The following SLC9C2 variants were observed in gnomAD, a reference collection of about 807,000 sequenced individuals.
SLC9C2 encodes the protein solute carrier family 9 member C2 (putative).
Under a neutral mutation model 140.2 loss-of-function variants are expected in SLC9C2, and 75 were observed. That is an observed-to-expected ratio of 0.53 (90% CI 0.44 to 0.65). SLC9C2 has a LOEUF of 0.65. Ranked by LOEUF, SLC9C2 falls within the 30% of genes least tolerant of loss-of-function variation. The pLI is 0.00. For missense variants in SLC9C2, 1,074 were observed against 1,331.8 expected (o/e 0.81, Z 3.01); for synonymous variants, 375 against 420.9 (o/e 0.89, Z 1.34).
rs1392157624 is a variant in SLC9C2, at chr1:173,581,886, T to C, written c.763A>G (p.Ile255Val). 1 of 1,597,982 alleles carries C rather than the reference T, an allele frequency of 6.3e-7. No homozygotes were observed. Among genetic ancestry groups the C allele is most frequent in the Non-Finnish European group, 8.5e-7 (1 of 1,170,150 alleles). The change falls in exon 7 of 28, where the codon ATT (isoleucine) becomes GTT (valine). Residue 255 changes from isoleucine to valine, a missense_variant. Transcript: ENST00000367714. ...DVFSNMLTNI[I>V]LCFSMVYMTF... ...ATGTACACCATTGAAAAGCAGAGAA[T>C]GATATTAGTCAGCATATTGCTAAAA... is the stretch of plus-strand genomic sequence containing the variant.
intron 22 of SLC9C2, among the ~76,000 whole-genome samples, chr1:173,520,911 CCTCT>C (rs150006115): frequency 9.3e-5 from 14 of 150,730 alleles, no homozygotes; most frequent in Non-Finnish European, 1.8e-4. Flanking sequence ...AATCTCTCTC[CCTCT>C]CTCTCTCTCT....
chr1:173,510,669 TC>T (rs1260105597), intron 23 of SLC9C2, among the ~76,000 whole-genome samples: 2 of 152,200 alleles, frequency 1.3e-5, no homozygotes, highest in African/African-American at 4.8e-5. Context: ...ATGTTCTCAT[TC>T]CTTTTTATGG....
chr1:173,561,152 T>C (rs1047132270), intron 9 of SLC9C2, among the ~76,000 whole-genome samples: 1 of 152,332 alleles, frequency 6.6e-6, no homozygotes, highest in Middle Eastern at 3.4e-3. Context: ...ATGTTATAGT[T>C]ATTTATATAT....
At chr1:173,509,211 A>T (rs1483771307) in intron 24 of SLC9C2, among the ~76,000 whole-genome samples, 1 of 152,136 alleles carries the variant, frequency 6.6e-6, no homozygotes, top group East Asian at 1.9e-4. Flanking sequence ...TGGGAGGCCG[A>T]GGTGAGTAGA....
At chr1:173,602,584 A>G (rs1666852922) in intron 1 of SLC9C2, among the ~76,000 whole-genome samples, 167 bp downstream of exon 1, 1 of 152,224 alleles carries the variant, frequency 6.6e-6, no homozygotes. Flanking sequence ...GCTGGATTTC[A>G]GCCCCAGTAT....
At chr1:173,522,686 G>A (rs1405137792) in intron 21 of SLC9C2, among the ~76,000 whole-genome samples, 1 of 152,170 alleles carries the variant, frequency 6.6e-6, no homozygotes, top group Non-Finnish European at 1.5e-5. Context: ...GCCCACTAAG[G>A]CAGAAGTGCC....
At position 173,573,114 on chromosome 1, in the gene SLC9C2, C is replaced by T. The variant is rs189571017; in HGVS notation, c.1046+68G>A. The T allele has an allele frequency of 6.2e-4, 744 of 1,200,420 alleles. 2 individuals are homozygous for T. The African/African-American group carries it at 0.01, about 17-fold the overall frequency. The allele number at this position is 1,200,420 out of a possible 1,614,324, so 74.4% of individuals were successfully genotyped here. A position where few individuals can be genotyped will look rare whatever the true frequency, so the allele number is the denominator to read the frequency against. ...GAGCCCTTTTTGCTGTATGCCACTG[C>T]TTCCTAATTCTAATTCTGGCCTTGA... On this transcript the variant is annotated intron_variant, in intron 9 of 27. Coordinates refer to ENST00000367714, the MANE Select transcript of SLC9C2 (RefSeq NM_178527.4).
chr1:173,601,386 A>G (rs572292366), intron 2 of SLC9C2, among the ~76,000 whole-genome samples: 1 of 152,288 alleles, frequency 6.6e-6, no homozygotes, highest in Admixed American at 6.5e-5. Context: ...GTGTTTGCCA[A>G]TCTCTCCCAT....
Position 173,561,979 on chromosome 1 carries a change from C to G in SLC9C2, c.1047-4471G>C, listed in dbSNP as rs1209982613. Among the ~76,000 whole-genome samples, 6 of 152,076 alleles carry G rather than the reference C, an allele frequency of 3.9e-5. No individual in the cohort carries two copies. In the East Asian group the frequency reaches 1.2e-3, roughly 29 times the overall value. ...CTGATTATATGTAAACTAAATCCAC[C>G]AGGATCCAGCTCACAGCTATGTAGT... On this transcript the variant is annotated intron_variant, in intron 9 of 27. Transcript: ENST00000367714.
At position 173,573,185 on chromosome 1, in the gene SLC9C2, A is replaced by G. The variant is rs753691838; in HGVS notation, c.1043T>C (p.Val348Ala). 9 of 1,542,762 alleles carry G rather than the reference A, an allele frequency of 5.8e-6. No homozygotes were observed. In the Admixed American group the frequency reaches 7.7e-5, roughly 13 times the overall value. ...AACTTTAAAATATTATTCTTACCTT[A>G]CCAAATTCACTGTTGTAAATAAAAT... ...IFILFTTVNLVRLLTILLVSP... is the reference protein window; with the variant it reads ...IFILFTTVNLARLLTILLVSP... Residue 348 changes from valine (V) to alanine (A), a missense_variant, in exon 9 of 28, where the codon GTA (valine) becomes GCA (alanine). By Grantham distance (64) the Val-to-Ala change is moderately conservative. Transcript: ENST00000367714.
intron 13 of SLC9C2, among the ~76,000 whole-genome samples, chr1:173,542,315 G>A (rs1049799473): frequency 1.4e-5 from 2 of 142,430 alleles, no homozygotes; most frequent in African/African-American, 4.9e-5. Flanking sequence ...CCAGGAAGAA[G>A]TTGAATGGCT....
rs369959085 is a variant in SLC9C2 at position 173,588,988 on chromosome 1, G to C, written c.358-1158C>G. ...AGCTACTCAGGAAACTGAGGTGGGA[G>C]GATTGCTTAAGCACAGGAGTTTGAG... On this transcript the variant is annotated intron_variant, in intron 4 of 27. Coordinates refer to ENST00000367714, the MANE Select transcript of SLC9C2 (RefSeq NM_178527.4). Among the ~76,000 whole-genome samples, 9 of 152,270 alleles carry C rather than the reference G, an allele frequency of 5.9e-5. No individual in the cohort carries two copies. The South Asian group carries it at 8.3e-4, about 14-fold the overall frequency.
chr1:173,544,432 T>C (rs1156726046), intron 13 of SLC9C2, among the ~76,000 whole-genome samples: 1 of 152,172 alleles, frequency 6.6e-6, no homozygotes, highest in African/African-American at 2.4e-5. Context: ...AGTTCAACCA[T>C]TGTGGAAGAC....
At position 173,571,566 on chromosome 1, in the gene SLC9C2, C is replaced by A. The variant is rs370275019; in HGVS notation, c.1046+1616G>T. 5.9e-5 allele frequency: 9 copies of A among 152,214 alleles called. No individual in the cohort carries two copies. In the South Asian group the frequency reaches 1.0e-3, roughly 18 times the overall value. 9.4% of individuals were successfully genotyped at this position (152,214 alleles called of 1,614,324 possible). A position where few individuals can be genotyped will look rare whatever the true frequency, so the allele number is the denominator to read the frequency against. ...TGGCACATCCAACTTCCTCACCATGCTTTATTTATTTTCATAGTCTTTATT... is the reference window on the plus strand; with the variant it reads ...TGGCACATCCAACTTCCTCACCATGATTTATTTATTTTCATAGTCTTTATT... On this transcript the variant is annotated intron_variant, in intron 9 of 27. Transcript: ENST00000367714.
intron 18 of SLC9C2, among the ~76,000 whole-genome samples, chr1:173,527,051 G>A (rs1033607023): frequency 3.9e-5 from 6 of 152,036 alleles, no homozygotes; most frequent in African/African-American, 1.4e-4. Flanking sequence ...CTCCATGTTG[G>A]CTAGGCTGGT....
intron 9 of SLC9C2, among the ~76,000 whole-genome samples, chr1:173,567,110 TC>T (rs1440748019): frequency 6.6e-6 from 1 of 152,130 alleles, no homozygotes; most frequent in Non-Finnish European, 1.5e-5. Context: ...TTCAGAATGA[TC>T]CATGTGCTGA....
chr1:173,576,985 G>A (rs1414196289), intron 7 of SLC9C2, among the ~76,000 whole-genome samples: 2 of 152,206 alleles, frequency 1.3e-5, no homozygotes, highest in African/African-American at 2.4e-5. Context: ...TACAGCCTCT[G>A]TTACAATGGT....
intron 27 of SLC9C2, among the ~76,000 whole-genome samples, chr1:173,502,655 G>T (rs1571410553): frequency 6.6e-6 from 1 of 152,202 alleles, no homozygotes; most frequent in East Asian, 1.9e-4. Context: ...AGAAGGAAAA[G>T]ATGTAGGGGC....
At chr1:173,578,355 G>T (rs1665309461) in intron 7 of SLC9C2, among the ~76,000 whole-genome samples, 1 of 152,180 alleles carries the variant, frequency 6.6e-6, no homozygotes, top group Non-Finnish European at 1.5e-5. Flanking sequence ...CAACATGAAA[G>T]AAATGTAATA....
Sources: gnomAD v4.1 joint callset for allele counts (sites outside exome capture counted in the v4.1 genomes callset) on GRCh38, gnomAD v4.1.1 for gene constraint, MANE v1.5 for transcripts, NCBI Gene and HGNC (gene_info 2026-07-23, HGNC 2026-07-21) for gene names.